The following CXCL13 variants were observed in gnomAD, a reference collection of about 807,000 sequenced individuals.
CXCL13 encodes the protein C-X-C motif chemokine 13.
CXCL13 carries 7 observed loss-of-function variants against 12.2 expected under a neutral mutation model. The ratio of observed to expected loss-of-function variants is 0.57; its 90% CI spans 0.33 to 1.07. CXCL13 has a LOEUF of 1.07. CXCL13 is among the 50% of genes least tolerant of loss of function. CXCL13 has a pLI of 0.04. For missense variants in CXCL13, 113 were observed against 127.4 expected, an observed-to-expected ratio of 0.89 and a Z score of 0.55; for synonymous variants, 47 against 42.4, an observed-to-expected ratio of 1.11 and a Z score of -0.42.
intron 1 of CXCL13, among the ~76,000 whole-genome samples, chr4:77,582,611 G>A (rs1033880873): frequency 6.6e-6 from 1 of 152,160 alleles, no homozygotes; most frequent in African/African-American, 2.4e-5. Flanking sequence ...TGAAAGATGA[G>A]TCTAGATAAA....
chr4:77,580,613 C>T (rs1726306019), intron 1 of CXCL13, among the ~76,000 whole-genome samples: 1 of 152,024 alleles, frequency 6.6e-6, no homozygotes, highest in East Asian at 1.9e-4. Flanking sequence ...GTGTGAGCCA[C>T]CATGCCCAGC....
At chr4:77,541,520 G>C (rs1725206576) in intron 1 of CXCL13, among the ~76,000 whole-genome samples, 1 of 152,194 alleles carries the variant, frequency 6.6e-6, no homozygotes, top group South Asian at 2.1e-4. Context: ...TCAGATGGCT[G>C]TAGGCGTATG....
intron 1 of CXCL13, among the ~76,000 whole-genome samples, chr4:77,533,338 G>A (rs1026259060): frequency 6.6e-6 from 1 of 152,210 alleles, no homozygotes; most frequent in Non-Finnish European, 1.5e-5. Flanking sequence ...AGCAGAGGCT[G>A]CACAACAGCA....
At position 77,606,222 on chromosome 4, in the gene CXCL13, T is replaced by C. The variant is rs141708626; in HGVS notation, c.64+293T>C. Among the ~76,000 whole-genome samples the C allele has an allele frequency of 1.2e-3, 178 of 152,316 alleles. 3 individuals carry two copies. Among genetic ancestry groups the C allele is most frequent in the South Asian group, 8.3e-4 (4 of 4,824 alleles). On this transcript the variant is annotated intron_variant, in intron 1 of 3. Coordinates refer to ENST00000682537, the MANE Select transcript of CXCL13 (RefSeq NM_001371558.1). ...ATTCAGCTCCTGCTATATATAATTC[T>C]TTACATGTAGCTCTTCTTTGTTCTG...
intron 1 of CXCL13, among the ~76,000 whole-genome samples, chr4:77,596,785 CAAAAAAA>C (rs1024280441): frequency 0.03 from 1,914 of 64,808 alleles, 37 homozygotes; most frequent in African/African-American, 0.09. Context: ...GACTCTGTCT[CAAAAAAA>C]AAAAAAAAAA....
intron 1 of CXCL13, among the ~76,000 whole-genome samples, chr4:77,547,929 T>C (rs1725413098): frequency 1.3e-5 from 2 of 152,166 alleles, no homozygotes. Context: ...GCAGGCCTGG[T>C]GGTGACAAAA....
intron 1 of CXCL13, among the ~76,000 whole-genome samples, chr4:77,547,231 A>G (rs182603011): frequency 8.7e-4 from 133 of 152,316 alleles, no homozygotes; most frequent in African/African-American, 3.0e-3. Context: ...AGCATTCTGT[A>G]GATGTCTGTT....
intron 1 of CXCL13, among the ~76,000 whole-genome samples, chr4:77,552,603 G>C (rs897782984): frequency 1.3e-5 from 2 of 152,238 alleles, no homozygotes; most frequent in African/African-American, 4.8e-5. Flanking sequence ...GTGTGGGGCT[G>C]GACCAGGCAG....
intron 1 of CXCL13, among the ~76,000 whole-genome samples, chr4:77,512,224 A>G (rs1724295327): frequency 6.6e-6 from 1 of 152,206 alleles, no homozygotes; most frequent in Non-Finnish European, 1.5e-5. Context: ...ATTCATCCTG[A>G]CCATCTCTCA....
At chr4:77,589,196 G>A (rs1034232044) in intron 1 of CXCL13, among the ~76,000 whole-genome samples, 1 of 137,906 alleles carries the variant, frequency 7.3e-6, no homozygotes, top group African/African-American at 3.0e-5. Flanking sequence ...TTATTAAAAG[G>A]AAAATTACAG....
chr4:77,519,365 C>T (rs760617871), intron 1 of CXCL13, among the ~76,000 whole-genome samples: 5 of 152,216 alleles, frequency 3.3e-5, no homozygotes, highest in Non-Finnish European at 5.9e-5. Flanking sequence ...GCGTCACTCA[C>T]GCTGGGAGCT....
At chr4:77,575,440 T>TC (rs1301203170) in intron 1 of CXCL13, among the ~76,000 whole-genome samples, 1 of 151,672 alleles carries the variant, frequency 6.6e-6, no homozygotes, top group Non-Finnish European at 1.5e-5. Flanking sequence ...ACGCTATCCC[T>TC]CCCCCAGCCC....
At chr4:77,565,063 TG>T (rs1725895769) in intron 1 of CXCL13, among the ~76,000 whole-genome samples, 1 of 152,198 alleles carries the variant, frequency 6.6e-6, no homozygotes, top group African/African-American at 2.4e-5. Flanking sequence ...ACTGATCCCT[TG>T]GTTCAACTTT....
At chr4:77,583,987 A>G (rs1726394580) in intron 1 of CXCL13, among the ~76,000 whole-genome samples, 1 of 152,206 alleles carries the variant, frequency 6.6e-6, no homozygotes, top group Non-Finnish European at 1.5e-5. Context: ...AAACTAAGAA[A>G]GTGGCAGACA....
At chr4:77,583,506 C>T (rs191454993) in intron 1 of CXCL13, among the ~76,000 whole-genome samples, 17 of 152,334 alleles carry the variant, frequency 1.1e-4, no homozygotes. Context: ...ACATACTCTT[C>T]AACCATTTCA....
At chr4:77,530,165 G>GC (rs1455733639) in intron 1 of CXCL13, among the ~76,000 whole-genome samples, 1 of 152,130 alleles carries the variant, frequency 6.6e-6, no homozygotes, top group African/African-American at 2.4e-5. Context: ...ATGTGCTTCT[G>GC]GATTCAGTTT....
upstream of CXCL13, among the ~76,000 whole-genome samples, chr4:77,602,188 T>C (rs41439345): frequency 0.072 from 10,938 of 151,626 alleles, 487 homozygotes; most frequent in Middle Eastern, 0.15. Context: ...TTTGTCCAAT[T>C]ATGCCATCTC....
chr4:77,579,645 G>A (rs1489690616), intron 1 of CXCL13, among the ~76,000 whole-genome samples: 10 of 152,076 alleles, frequency 6.6e-5, no homozygotes, highest in Non-Finnish European at 1.5e-5. Flanking sequence ...CTGGCATGCT[G>A]TTAAGGACCT....
At position 77,611,452 on chromosome 4, in the gene CXCL13, T is replaced by G; in HGVS notation, c.*413T>G. On this transcript the variant is annotated 3_prime_UTR_variant, in exon 4 of 4. Transcript: ENST00000682537. ...TTAAAAGCAGGCTTCTATGAAAGAC[T>G]CAAAAAGCTGCCTGGGAGGCAGATG... 1 of 389,584 alleles carries G rather than the reference T, an allele frequency of 2.6e-6. No individual in the cohort carries two copies. Among genetic ancestry groups the G allele is most frequent in the Non-Finnish European group, 4.5e-6 (1 of 221,416 alleles). 24.1% of individuals were successfully genotyped at this position (389,584 alleles called of 1,614,324 possible). A position where few individuals can be genotyped will look rare whatever the true frequency, so the allele number is the denominator to read the frequency against.
Sources: allele counts gnomAD v4.1 joint callset (sites outside exome capture counted in the v4.1 genomes callset), GRCh38; gene constraint gnomAD v4.1.1; transcripts MANE v1.5; gene names NCBI Gene and HGNC (gene_info 2026-07-23, HGNC 2026-07-21).